NCKAP5: variants seen among roughly 807,000 people sequenced by gnomAD.
NCKAP5 encodes the protein NCK associated protein 5.
In NCKAP5, 92 loss-of-function variants were observed where a neutral mutation model predicts 167.0. The ratio of observed to expected loss-of-function variants is 0.55; its 90% CI spans 0.47 to 0.66. NCKAP5 has a LOEUF of 0.66. NCKAP5 is among the 30% of genes least tolerant of loss of function. The pLI, the probability that NCKAP5 is intolerant of heterozygous loss-of-function variation, is 0.00. For missense variants in NCKAP5, 2,378 were observed against 2,315.0 expected (o/e 1.03, Z -0.56); for synonymous variants, 891 against 877.4 (o/e 1.02, Z -0.27).
At chr2:133,661,978 C>CAA in the NCKAP5 span, among the ~76,000 whole-genome samples, 589 of 148,556 alleles carry the variant, frequency 4.0e-3, 5 homozygotes, top group African/African-American at 0.014. Flanking sequence ...CTTATATTGT[C>CAA]AAAAAAAAAA....
chr2:133,401,768 A>G (rs1406372586), intron 3 of NCKAP5, among the ~76,000 whole-genome samples: 2 of 152,184 alleles, frequency 1.3e-5, no homozygotes, highest in African/African-American at 2.4e-5. Flanking sequence ...CAGGGCTCCA[A>G]CCTGGGCTCT....
At chr2:133,056,208 G>A (rs535998847) in intron 6 of NCKAP5, among the ~76,000 whole-genome samples, 1 of 152,190 alleles carries the variant, frequency 6.6e-6, no homozygotes, top group Non-Finnish European at 1.5e-5. Flanking sequence ...GTCCCCTAGT[G>A]TCCAGGTCAA....
intron 8 of NCKAP5, among the ~76,000 whole-genome samples, chr2:132,940,155 G>A (rs941261327): frequency 6.6e-6 from 1 of 152,086 alleles, no homozygotes; most frequent in Non-Finnish European, 1.5e-5. Flanking sequence ...GTTTTCTATT[G>A]TTGAGTTACT....
chr2:133,286,064 C>T (rs1042271276), intron 4 of NCKAP5, among the ~76,000 whole-genome samples: 6 of 150,468 alleles, frequency 4.0e-5, no homozygotes, highest in East Asian at 2.0e-4. Flanking sequence ...GGCACGATCT[C>T]GGCTCATTGC....
chr2:132,831,423 A>C (rs1013845492), intron 11 of NCKAP5, among the ~76,000 whole-genome samples: 1 of 152,168 alleles, frequency 6.6e-6, no homozygotes, highest in African/African-American at 2.4e-5. Flanking sequence ...TAAATACTGG[A>C]TATCAATTTT....
chr2:132,719,618 C>G (rs1573982066), intron 19 of NCKAP5, among the ~76,000 whole-genome samples: 1 of 152,190 alleles, frequency 6.6e-6, no homozygotes, highest in African/African-American at 2.4e-5. Context: ...AGACTGGCAG[C>G]AAATTGACAG....
chr2:132,843,151 A>G (rs1462336348), intron 11 of NCKAP5, among the ~76,000 whole-genome samples: 5 of 152,216 alleles, frequency 3.3e-5, no homozygotes, highest in Admixed American at 2.6e-4. Context: ...TCACAGATAT[A>G]TAAGTACAAT....
chr2:133,357,650 A>C (rs1028788205), intron 3 of NCKAP5, among the ~76,000 whole-genome samples: 3 of 152,178 alleles, frequency 2.0e-5, no homozygotes, highest in Admixed American at 6.5e-5. Flanking sequence ...GGTCACTAGA[A>C]AGGTTTCTGC....
intron 2 of NCKAP5, among the ~76,000 whole-genome samples, chr2:133,543,238 G>A (rs1246133250): frequency 6.6e-6 from 1 of 152,118 alleles, no homozygotes; most frequent in African/African-American, 2.4e-5. Context: ...CTCTCGCCAT[G>A]TGATATACCG....
intron 11 of NCKAP5, among the ~76,000 whole-genome samples, chr2:132,816,270 G>A (rs1485005776): frequency 2.6e-5 from 4 of 151,930 alleles, no homozygotes; most frequent in East Asian, 1.9e-4. Context: ...TCACCCTTTC[G>A]GCAGCAAGCT....
rs773150760 is a variant in NCKAP5 at position 132,782,873 on chromosome 2, G to A, written c.3938C>T (p.Thr1313Ile). Residue 1313 changes from threonine to isoleucine, a missense_variant, in exon 14 of 20, where the codon ACC (threonine) becomes ATC (isoleucine). Coordinates refer to ENST00000409261, the MANE Select transcript of NCKAP5 (RefSeq NM_207363.3). ...TNTAERGNSLTRQNSSTESSP... is the reference protein window; with the variant it reads ...TNTAERGNSLIRQNSSTESSP... ...GCTTTCCGTGGAAGAGTTCTGCCGG[G>A]TAAGAGAATTGCCTCTCTCGGCGGT... 1.9e-6 allele frequency: 3 copies of A among 1,613,970 alleles called. No individual in the cohort carries two copies. In the South Asian group the frequency reaches 3.3e-5, roughly 18 times the overall value.
At chr2:133,403,008 G>A (rs1476647641) in intron 3 of NCKAP5, among the ~76,000 whole-genome samples, 3 of 152,200 alleles carry the variant, frequency 2.0e-5, no homozygotes, top group African/African-American at 7.2e-5. Context: ...ATTAGCCAGA[G>A]TTAACTTTTA....
At chr2:133,119,331 G>T (rs1182858151) in intron 6 of NCKAP5, among the ~76,000 whole-genome samples, 1 of 151,994 alleles carries the variant, frequency 6.6e-6, no homozygotes, top group Non-Finnish European at 1.5e-5. Context: ...TGCTATAATT[G>T]TATCTATCCC....
intron 3 of NCKAP5, among the ~76,000 whole-genome samples, chr2:133,311,999 G>A (rs1330725400): frequency 6.6e-6 from 1 of 152,130 alleles, no homozygotes; most frequent in East Asian, 1.9e-4. Context: ...GAAAAATTTA[G>A]GTACATTGCT....
the NCKAP5 span, among the ~76,000 whole-genome samples, chr2:133,593,521 T>G: frequency 6.6e-6 from 1 of 152,074 alleles, no homozygotes; most frequent in African/African-American, 2.4e-5. Flanking sequence ...ACTTAAAATT[T>G]TATTTTTTTT....
intron 2 of NCKAP5, among the ~76,000 whole-genome samples, chr2:133,550,724 C>T (rs1687215776): frequency 7.7e-6 from 1 of 129,986 alleles, no homozygotes; most frequent in Non-Finnish European, 1.6e-5. Flanking sequence ...TCCTATTCAA[C>T]ATAGTGTTGG....
upstream of NCKAP5, among the ~76,000 whole-genome samples, chr2:133,569,955 C>T (rs1401198332): frequency 6.6e-6 from 1 of 152,116 alleles, no homozygotes; most frequent in Non-Finnish European, 1.5e-5. Context: ...ATAGTGATCC[C>T]ACAAATACAC....
intron 6 of NCKAP5, among the ~76,000 whole-genome samples, chr2:133,109,168 A>G (rs571251314): frequency 2.0e-5 from 3 of 152,278 alleles, no homozygotes; most frequent in South Asian, 4.1e-4. Flanking sequence ...AAGCTTCCTG[A>G]GCATCTTGGG....
chr2:132,825,035 A>C (rs1264709571), intron 11 of NCKAP5, among the ~76,000 whole-genome samples: 3 of 152,232 alleles, frequency 2.0e-5, no homozygotes, highest in African/African-American at 7.2e-5. Context: ...AGGCAAAAAT[A>C]GTTTCAGTTT....
Sources: allele counts gnomAD v4.1 joint callset (sites outside exome capture counted in the v4.1 genomes callset), GRCh38; gene constraint gnomAD v4.1.1; transcripts MANE v1.5; gene names NCBI Gene and HGNC (gene_info 2026-07-23, HGNC 2026-07-21).